KCND3: variants seen among roughly 807,000 people sequenced by gnomAD.
KCND3 encodes potassium voltage-gated channel subfamily D member 3, also known as A-type voltage-gated potassium channel KCND3.
Under a neutral mutation model 51.1 loss-of-function variants are expected in KCND3, and 9 were observed. That is an observed-to-expected ratio of 0.18 (90% CI 0.11 to 0.31). The LOEUF is 0.31. Ranked by LOEUF, KCND3 falls within the 10% of genes least tolerant of loss-of-function variation. The pLI, the probability that KCND3 is intolerant of heterozygous loss-of-function variation, is 1.00. For synonymous variants in KCND3, 349 were observed against 368.0 expected (o/e 0.95, Z 0.59); for missense variants, 526 against 903.8 (o/e 0.58, Z 5.36).
intron 2 of KCND3, among the ~76,000 whole-genome samples, chr1:111,907,523 T>A (rs1175499820): frequency 6.6e-6 from 1 of 152,202 alleles, no homozygotes; most frequent in Admixed American, 6.5e-5. Flanking sequence ...AGCCTTTAAG[T>A]GACTGCAGCT....
chr1:111,987,451 C>T (rs750583583), intron 1 of KCND3, among the ~76,000 whole-genome samples: 3 of 152,224 alleles, frequency 2.0e-5, no homozygotes, highest in African/African-American at 4.8e-5. Flanking sequence ...CCCTGTCCCC[C>T]TGGTAAAACA....
At chr1:111,906,468 G>A (rs145288806) in intron 2 of KCND3, among the ~76,000 whole-genome samples, 214 of 152,330 alleles carry the variant, frequency 1.4e-3, no homozygotes, top group African/African-American at 5.0e-3. Context: ...GTCAGCATCA[G>A]TTATTTGGCA....
chr1:111,816,915 C>T (rs941530696), intron 2 of KCND3, among the ~76,000 whole-genome samples: 7 of 152,176 alleles, frequency 4.6e-5, no homozygotes, highest in Non-Finnish European at 5.9e-5. Context: ...CTCTGAGACG[C>T]GCCTGTGTCT....
At chr1:111,819,153 C>T (rs965533343) in intron 2 of KCND3, among the ~76,000 whole-genome samples, 2 of 152,106 alleles carry the variant, frequency 1.3e-5, no homozygotes, top group African/African-American at 4.8e-5. Flanking sequence ...GCACACACAG[C>T]CTCTCACTCA....
At chr1:111,929,240 A>G (rs930550) in intron 2 of KCND3, among the ~76,000 whole-genome samples, 146,816 of 152,240 alleles carry the variant, frequency 0.96, 71,026 homozygotes, top group East Asian at 1. Flanking sequence ...TCTCTGCTGC[A>G]TTCTGCCCCC....
intron 2 of KCND3, among the ~76,000 whole-genome samples, chr1:111,871,021 ACT>A (rs1466421361): frequency 2.6e-5 from 4 of 152,162 alleles, no homozygotes; most frequent in Admixed American, 6.5e-5. Flanking sequence ...AGCTGGATCA[ACT>A]CTGTGACTGC....
intron 2 of KCND3, among the ~76,000 whole-genome samples, chr1:111,961,067 G>A (rs1169423275): frequency 2.0e-5 from 3 of 152,220 alleles, no homozygotes; most frequent in Admixed American, 6.5e-5. Flanking sequence ...CAGCACAGGG[G>A]TGAAGCTCTC....
intron 2 of KCND3, among the ~76,000 whole-genome samples, chr1:111,895,700 G>C (rs1219287750): frequency 6.6e-6 from 1 of 152,334 alleles, no homozygotes; most frequent in African/African-American, 2.4e-5. Flanking sequence ...ATGCGCTAGC[G>C]CGCCTGCCGT....
intron 2 of KCND3, among the ~76,000 whole-genome samples, chr1:111,876,686 G>C (rs1478546653): frequency 6.6e-6 from 1 of 152,196 alleles, no homozygotes; most frequent in Non-Finnish European, 1.5e-5. Flanking sequence ...ACAACATAGG[G>C]GTAGGCAAAG....
chr1:111,940,571 G>A (rs1672467925), intron 2 of KCND3, among the ~76,000 whole-genome samples: 1 of 152,168 alleles, frequency 6.6e-6, no homozygotes, highest in Admixed American at 6.5e-5. Context: ...CCTCTGCTCT[G>A]TTCCATTGGT....
chr1:111,850,704 T>A (rs1253377244), intron 2 of KCND3, among the ~76,000 whole-genome samples: 1 of 152,154 alleles, frequency 6.6e-6, no homozygotes, highest in East Asian at 1.9e-4. Context: ...CTCGTGTTTG[T>A]CTTCAACTCA....
intron 2 of KCND3, among the ~76,000 whole-genome samples, chr1:111,848,687 C>T (rs970436983): frequency 6.6e-6 from 1 of 152,218 alleles, no homozygotes; most frequent in African/African-American, 2.4e-5. Flanking sequence ...AGCAGAAGTC[C>T]TGACTTTGCC....
intron 2 of KCND3, among the ~76,000 whole-genome samples, chr1:111,898,761 G>C (rs1006494971): frequency 1.8e-4 from 28 of 152,134 alleles, no homozygotes; most frequent in Admixed American, 1.6e-3. Context: ...ACAGAGTGTG[G>C]GGTCCAGACA....
chr1:111,919,545 T>C (rs1671381089), intron 2 of KCND3, among the ~76,000 whole-genome samples: 1 of 152,012 alleles, frequency 6.6e-6, no homozygotes, highest in Admixed American at 6.5e-5. Context: ...TGGTATGAGA[T>C]GGGTTAGGAG....
intron 2 of KCND3, among the ~76,000 whole-genome samples, chr1:111,979,392 T>G (rs915831253): frequency 1.3e-5 from 2 of 152,228 alleles, no homozygotes; most frequent in African/African-American, 4.8e-5. Context: ...CAGAAGGAAA[T>G]GTTTTATTTT....
At chr1:111,880,882 G>GT (rs1235225936) in intron 2 of KCND3, among the ~76,000 whole-genome samples, 15 of 151,848 alleles carry the variant, frequency 9.9e-5, no homozygotes, top group Middle Eastern at 6.8e-3. Context: ...AGAATGAACC[G>GT]TTTTTTTTAA....
At chr1:111,909,958 G>A (rs1258200351) in intron 2 of KCND3, 1 of 152,216 alleles carries the variant, frequency 6.6e-6, no homozygotes, top group Non-Finnish European at 1.5e-5. Flanking sequence ...GTGCCACCAA[G>A]GATGATGCCA....
intron 2 of KCND3, among the ~76,000 whole-genome samples, chr1:111,851,900 A>C (rs1667830797): frequency 6.6e-6 from 1 of 152,184 alleles, no homozygotes; most frequent in Non-Finnish European, 1.5e-5. Flanking sequence ...GTAAGGTGCA[A>C]AGGATGTTTA....
At chr1:111,790,022 C>T (rs114729724) in intron 2 of KCND3, among the ~76,000 whole-genome samples, 3,747 of 152,274 alleles carry the variant, frequency 0.025, 81 homozygotes, top group Middle Eastern at 0.071. Flanking sequence ...GTTAAAATGT[C>T]TCCTTTAATG....
Sources: gnomAD v4.1 joint callset for allele counts (sites outside exome capture counted in the v4.1 genomes callset) on GRCh38, gnomAD v4.1.1 for gene constraint, MANE v1.5 for transcripts, NCBI Gene and HGNC (gene_info 2026-07-23, HGNC 2026-07-21) for gene names.